SLC39A11: variants seen among roughly 807,000 people sequenced by gnomAD.
The protein encoded by SLC39A11 is zinc transporter ZIP11.
SLC39A11 carries 33 observed loss-of-function variants against 36.1 expected under a neutral mutation model. The ratio of observed to expected loss-of-function variants is 0.91; its 90% CI spans 0.69 to 1.22. The LOEUF is 1.22. Among genes scored for constraint, SLC39A11 ranks in the 50% most tolerant of loss-of-function variants. The pLI is 0.00. For synonymous variants in SLC39A11, 166 were observed against 170.3 expected, an observed-to-expected ratio of 0.97 and a Z score of 0.20; for missense variants, 432 against 430.3, an observed-to-expected ratio of 1.00 and a Z score of -0.03.
intron 6 of SLC39A11, among the ~76,000 whole-genome samples, chr17:72,801,382 G>A (rs1276431228): frequency 6.6e-6 from 1 of 152,118 alleles, no homozygotes; most frequent in Non-Finnish European, 1.5e-5. Flanking sequence ...CATGACACCT[G>A]GCTAACTTTT....
At chr17:72,761,198 T>C (rs1034273613) in intron 6 of SLC39A11, among the ~76,000 whole-genome samples, 9 of 152,168 alleles carry the variant, frequency 5.9e-5, no homozygotes, top group African/African-American at 2.2e-4. Context: ...CACTGCAACC[T>C]CCGCCTCTTG....
chr17:72,915,176 C>T (rs1004826070), intron 5 of SLC39A11, among the ~76,000 whole-genome samples: 3 of 152,114 alleles, frequency 2.0e-5, no homozygotes, highest in African/African-American at 7.2e-5. Context: ...CTAGGTAACT[C>T]CTCAAGAGAG....
At chr17:72,945,642 C>A (rs112793685) in intron 5 of SLC39A11, among the ~76,000 whole-genome samples, 1 of 152,172 alleles carries the variant, frequency 6.6e-6, no homozygotes, top group African/African-American at 2.4e-5. Context: ...CAGCTAGCAA[C>A]GGTTACAAGG....
At chr17:72,691,177 C>T (rs572289773) in intron 7 of SLC39A11, among the ~76,000 whole-genome samples, 120 of 152,228 alleles carry the variant, frequency 7.9e-4, no homozygotes, top group Admixed American at 1.8e-3. Context: ...TGAACAACCC[C>T]GAGGGTGATT....
At chr17:72,960,383 ATAGG>A (rs561968831) in intron 4 of SLC39A11, among the ~76,000 whole-genome samples, 53 of 152,250 alleles carry the variant, frequency 3.5e-4, no homozygotes, top group African/African-American at 7.0e-4. Context: ...TCTTGTATAC[ATAGG>A]TAGGTAGGTA....
intron 3 of SLC39A11, among the ~76,000 whole-genome samples, chr17:73,041,808 A>G (rs954647547): frequency 2.0e-5 from 3 of 152,262 alleles, no homozygotes; most frequent in Non-Finnish European, 4.4e-5. Context: ...TGGAGAAAAC[A>G]TTTAAAATCA....
chr17:72,925,931 G>C (rs542628733), intron 5 of SLC39A11, among the ~76,000 whole-genome samples: 1 of 152,352 alleles, frequency 6.6e-6, no homozygotes, highest in East Asian at 1.9e-4. Context: ...GCAAACCACT[G>C]AGATTTGAGG....
intron 6 of SLC39A11, among the ~76,000 whole-genome samples, chr17:72,821,119 T>C (rs2077760697): frequency 6.6e-6 from 1 of 150,444 alleles, no homozygotes; most frequent in Non-Finnish European, 1.5e-5. Context: ...GGAAACTGGG[T>C]GGTTCGCAGG....
intron 7 of SLC39A11, among the ~76,000 whole-genome samples, chr17:72,707,699 A>G (rs1352749437): frequency 6.6e-6 from 1 of 152,208 alleles, no homozygotes; most frequent in African/African-American, 2.4e-5. Flanking sequence ...ATGGGTACAC[A>G]TCCTTGTTCT....
At chr17:73,061,812 T>C (rs1266710801) in intron 3 of SLC39A11, among the ~76,000 whole-genome samples, 1 of 152,092 alleles carries the variant, frequency 6.6e-6, no homozygotes, top group African/African-American at 2.4e-5. Context: ...CTAGGCAACA[T>C]GGTGAAACCC....
intron 3 of SLC39A11, among the ~76,000 whole-genome samples, chr17:73,042,907 GTCAA>G (rs2059156295): frequency 6.6e-6 from 1 of 152,204 alleles, no homozygotes; most frequent in Admixed American, 6.5e-5. Context: ...ACAGTTAAAA[GTCAA>G]TCAGCAATTC....
intron 6 of SLC39A11, among the ~76,000 whole-genome samples, chr17:72,794,936 C>A (rs537307925): frequency 6.6e-6 from 1 of 152,088 alleles, no homozygotes; most frequent in African/African-American, 2.4e-5. Flanking sequence ...AGCATCCACA[C>A]TGGATATGAG....
At chr17:72,772,560 C>A (rs991572201) in intron 6 of SLC39A11, among the ~76,000 whole-genome samples, 3 of 152,084 alleles carry the variant, frequency 2.0e-5, no homozygotes, top group African/African-American at 4.8e-5. Context: ...TCCCACCTGG[C>A]AGGAAGGAGT....
intron 3 of SLC39A11, chr17:73,068,037 T>G (rs527362388): frequency 1.3e-6 from 2 of 1,586,984 alleles, no homozygotes; most frequent in African/African-American, 2.7e-5. Context: ...ATGAAGTCAA[T>G]GAGTCCTTGG....
intron 5 of SLC39A11, among the ~76,000 whole-genome samples, chr17:72,885,862 T>C (rs1307374505): frequency 2.6e-5 from 4 of 152,190 alleles, no homozygotes; most frequent in African/African-American, 4.8e-5. Flanking sequence ...AAGAGTTGAA[T>C]GTAATTGGAG....
intron 4 of SLC39A11, among the ~76,000 whole-genome samples, chr17:72,975,574 A>G (rs2087784695): frequency 6.6e-6 from 1 of 152,188 alleles, no homozygotes; most frequent in Non-Finnish European, 1.5e-5. Context: ...ACAGACACAA[A>G]TCTGCTGCTG....
chr17:73,022,451 T>A (rs2148599656), intron 4 of SLC39A11, among the ~76,000 whole-genome samples: 1 of 152,026 alleles, frequency 6.6e-6, no homozygotes, highest in African/African-American at 2.4e-5. Flanking sequence ...AAAAACTAGC[T>A]GGGCATGGTG....
chr17:72,657,729 G>A (rs1002238954), intron 7 of SLC39A11, among the ~76,000 whole-genome samples: 5 of 152,212 alleles, frequency 3.3e-5, no homozygotes, highest in African/African-American at 1.2e-4. Context: ...CAGGGTAGGT[G>A]GCAGAGGCAA....
chr17:72,765,694 C>T (rs2075735930), intron 6 of SLC39A11, among the ~76,000 whole-genome samples: 1 of 152,160 alleles, frequency 6.6e-6, no homozygotes, highest in Admixed American at 6.5e-5. Context: ...TCCCTCGCAG[C>T]CACAACTTAT....
Sources: allele counts gnomAD v4.1 joint callset (sites outside exome capture counted in the v4.1 genomes callset), GRCh38; gene constraint gnomAD v4.1.1; transcripts MANE v1.5; gene names NCBI Gene and HGNC (gene_info 2026-07-23, HGNC 2026-07-21).